Variants in RADX observed in about 807,000 individuals in gnomAD.
RADX encodes the protein RPA-related protein RADX.
A neutral mutation model predicts 61.6 loss-of-function variants in RADX; 36 were observed. That is an observed-to-expected ratio of 0.58 (90% CI 0.45 to 0.77). The LOEUF (loss-of-function observed/expected upper bound fraction) is 0.77, where lower values mean the gene tolerates loss of function less well. Ranked by LOEUF, RADX falls within the 30% of genes least tolerant of loss-of-function variation. The pLI, the probability that RADX is intolerant of heterozygous loss-of-function variation, is 0.00. For missense variants in RADX, 497 were observed against 651.1 expected (o/e 0.76, Z 2.58); for synonymous variants, 272 against 237.9 (o/e 1.14, Z -1.32).
Position 106,633,265 on chromosome X carries a change from T to A in RADX, c.1303+13T>A, listed in dbSNP as rs765251887. On this transcript the variant is annotated intron_variant, in intron 6 of 13. Coordinates refer to ENST00000372548, the MANE Select transcript of RADX (RefSeq NM_018015.6). ...AATATTTACCCAAGTAAGCGATTTT[T>A]AATATTTTTATATTATGTTTGGAAG... The A allele has an allele frequency of 1.7e-6, 2 of 1,178,827 alleles. No individual in the cohort carries two copies. Among genetic ancestry groups the A allele is most frequent in the South Asian group, 3.7e-5 (2 of 54,191 alleles).
rs751214007 is a variant in RADX at position 106,669,186 on chromosome X, G to T, written c.2293G>T (p.Asp765Tyr). 14 of 1,205,477 alleles carry T rather than the reference G, an allele frequency of 1.2e-5. No individual in the cohort carries two copies. Among genetic ancestry groups the T allele is most frequent in the Non-Finnish European group, 1.6e-5 (14 of 890,550 alleles). Residue 765 changes from aspartate to tyrosine, a missense_variant, in exon 13 of 14, where the codon GAT (aspartate) becomes TAT (tyrosine). This residue lies in a region of RADX where 267 missense variants were observed against 306.9 expected (regional missense o/e 0.87). Coordinates refer to ENST00000372548, the MANE Select transcript of RADX (RefSeq NM_018015.6). Reference sequence around the variant, plus strand: ...AGGTCTGAACCATGAGATAGCAATCGATGTTGCTTTCCTACCCATGTATTG... The same window carrying T: ...AGGTCTGAACCATGAGATAGCAATCTATGTTGCTTTCCTACCCATGTATTG... ...ILGLNHEIAI[D>Y]VAFLPMYCPE...
chrX:106,623,007 C>T (rs1177158156), intron 2 of RADX, among the ~76,000 whole-genome samples: 1 of 110,714 alleles, frequency 9.0e-6, no homozygotes, highest in Non-Finnish European at 1.9e-5. Flanking sequence ...CCTTTATTTC[C>T]CTGATCCAGG....
intron 9 of RADX, 103 bp from the exon 10 acceptor site, chrX:106,640,449 G>T: frequency 1.9e-6 from 1 of 529,196 alleles, no homozygotes; most frequent in South Asian, 5.3e-5. Context: ...AGTTTTGCCA[G>T]AACTGTTGAT....
intron 11 of RADX, among the ~76,000 whole-genome samples, chrX:106,655,397 T>C (rs2147634063): frequency 9.2e-6 from 1 of 108,556 alleles, no homozygotes; most frequent in South Asian, 4.2e-4. Context: ...AATGTGCAGG[T>C]TTGTTACATA....
At chrX:106,623,008 C>T (rs757905969) in intron 2 of RADX, among the ~76,000 whole-genome samples, 1 of 111,050 alleles carries the variant, frequency 9.0e-6, no homozygotes, top group Non-Finnish European at 1.9e-5. Context: ...CTTTATTTCC[C>T]TGATCCAGGT....
rs1452948064 is a variant in RADX at position 106,678,402 on chromosome X, G to T, written c.*144G>T. ...TATTAAGCAGTTTTATGTTCGTTTT[G>T]TGTTTAGGGAGCTTTTTAAAACACT... On this transcript the variant is annotated 3_prime_UTR_variant, in exon 14 of 14. Coordinates refer to ENST00000372548, the MANE Select transcript of RADX (RefSeq NM_018015.6). 15 of 394,503 alleles carry T rather than the reference G, an allele frequency of 3.8e-5. No homozygotes were observed. The highest frequency in any genetic ancestry group is 6.4e-5 in the Non-Finnish European group (15 of 234,801). The allele number at this position is 394,503 out of a possible 1,213,427, so 32.5% of individuals were successfully genotyped here.
chrX:106,640,569 G>C lies in RADX; in HGVS notation c.1752G>C (p.Ser584=). 1 of 1,190,637 alleles carries C rather than the reference G, an allele frequency of 8.4e-7. No individual in the cohort carries two copies. Among genetic ancestry groups the C allele is most frequent in the Non-Finnish European group, 1.1e-6 (1 of 885,098 alleles). The change falls in exon 10 of 14, where the codon TCG becomes TCC. Residue 584 remains serine, a synonymous_variant. Coordinates refer to ENST00000372548, the MANE Select transcript of RADX (RefSeq NM_018015.6). ...SETLRNANRP[S]TSQAARVEIQ... ...GGTTTTAGAATGCTAACAGACCCTCGACCTCTCAAGCAGCTAGAGTAGAAA... is the reference window on the plus strand; with the variant it reads ...GGTTTTAGAATGCTAACAGACCCTCCACCTCTCAAGCAGCTAGAGTAGAAA...
chrX:106,631,216 A>G (rs1927208148), intron 3 of RADX, among the ~76,000 whole-genome samples: 1 of 112,117 alleles, frequency 8.9e-6, no homozygotes, highest in Non-Finnish European at 1.9e-5. Context: ...ATTAATATCC[A>G]ACATATAAAC....
Position 106,668,704 on chromosome X carries a change from T to C in RADX, c.2270-459T>C, listed in dbSNP as rs186237184. ...GAGTGTGCGAACCTTGTCTTGTATA[T>C]TTGAGGACGGATGAGATCTAGCTAC... On this transcript the variant is annotated intron_variant, in intron 12 of 13. Transcript: ENST00000372548. Among the ~76,000 whole-genome samples, 261 of 111,640 alleles carry C rather than the reference T, an allele frequency of 2.3e-3. 1 individual carries two copies. Among genetic ancestry groups the C allele is most frequent in the Middle Eastern group, 4.6e-3 (1 of 216 alleles).
chrX:106,613,240 T>C, intron 1 of RADX, among the ~76,000 whole-genome samples: 1 of 112,165 alleles, frequency 8.9e-6, no homozygotes, highest in South Asian at 3.7e-4. Flanking sequence ...AAACGCCGTG[T>C]AACAGTTATG....
chrX:106,661,349 T>C (rs1312772136), intron 11 of RADX, among the ~76,000 whole-genome samples: 1 of 103,727 alleles, frequency 9.6e-6, no homozygotes, highest in African/African-American at 4.0e-5. Flanking sequence ...TTGTTTTTCG[T>C]TTTTGTTTTG....
intron 13 of RADX, among the ~76,000 whole-genome samples, chrX:106,670,759 C>A: frequency 9.0e-6 from 1 of 110,506 alleles, no homozygotes; most frequent in Non-Finnish European, 1.9e-5. Flanking sequence ...ACCTTATTAT[C>A]CCCTATTTAT....
In RADX at chrX:106,672,105, C is replaced by T. The variant is rs768136496; in HGVS notation, c.2437+2775C>T. Among the ~76,000 whole-genome samples, 127 of 111,790 alleles carry T rather than the reference C, an allele frequency of 1.1e-3. 1 individual carries two copies. The highest frequency in any genetic ancestry group is 2.1e-3 in the Non-Finnish European group (113 of 53,171). On this transcript the variant is annotated intron_variant, in intron 13 of 13. Transcript: ENST00000372548. ...TTTTTCCAGCACTTTTAGAGCTTCA[C>T]CCATATATACTGATATATTTTTATT...
At chrX:106,628,922 G>A (rs73529266) in intron 3 of RADX, among the ~76,000 whole-genome samples, 18,274 of 111,097 alleles carry the variant, frequency 0.16, 3,740 homozygotes, top group African/African-American at 0.57. Context: ...GGCGTGAGCC[G>A]CCGCGCCTAG....
chrX:106,628,717 C>G (rs780324748), intron 3 of RADX, among the ~76,000 whole-genome samples: 1 of 106,335 alleles, frequency 9.4e-6, no homozygotes, highest in African/African-American at 3.5e-5. Flanking sequence ...AAACTTGGCT[C>G]ACTGCAACCT....
At chrX:106,617,659 A>G (rs1328683029) in intron 1 of RADX, among the ~76,000 whole-genome samples, 3 of 111,920 alleles carry the variant, frequency 2.7e-5, no homozygotes, top group Admixed American at 9.5e-5. Flanking sequence ...ATTTTCCCTA[A>G]TAGTAATGTT....
chrX:106,644,589 A>G (rs1372688831), intron 10 of RADX, among the ~76,000 whole-genome samples: 1 of 111,126 alleles, frequency 9.0e-6, no homozygotes, highest in Non-Finnish European at 1.9e-5. Context: ...GCATATGTTG[A>G]ACCATCTTGG....
intron 11 of RADX, among the ~76,000 whole-genome samples, chrX:106,651,027 A>C (rs1927781931): frequency 9.0e-6 from 1 of 111,201 alleles, no homozygotes; most frequent in African/African-American, 3.3e-5. Flanking sequence ...GTTAGGAAGA[A>C]GCAGTATTTG....
chrX:106,616,236 C>A (rs989280372), intron 1 of RADX, among the ~76,000 whole-genome samples: 4 of 111,559 alleles, frequency 3.6e-5, no homozygotes, highest in African/African-American at 1.3e-4. Context: ...ACGTAGTAAT[C>A]TATGTTTTTT....
Sources: gnomAD v4.1 joint callset for allele counts (sites outside exome capture counted in the v4.1 genomes callset) on GRCh38, gnomAD v4.1.1 for gene constraint, gnomAD v4.1.1 regional missense constraint, MANE v1.5 for transcripts, NCBI Gene and HGNC (gene_info 2026-07-23, HGNC 2026-07-21) for gene names.